The following FAM234A variants were observed in gnomAD, a reference collection of about 807,000 sequenced individuals.
FAM234A encodes protein FAM234A.
Under a neutral mutation model 49.1 loss-of-function variants are expected in FAM234A, and 42 were observed. The observed-to-expected ratio is 0.86, with a 90% confidence interval of 0.67 to 1.11. The LOEUF is 1.11. Ranked by LOEUF, FAM234A falls within the 50% of genes least tolerant of loss-of-function variation. The probability of loss-of-function intolerance (pLI) is 0.00; values close to 1 mark genes in which losing one functional copy is unlikely to be tolerated. For missense variants in FAM234A, 815 were observed against 745.2 expected, an observed-to-expected ratio of 1.09 and a Z score of -1.09; for synonymous variants, 369 against 316.2, an observed-to-expected ratio of 1.17 and a Z score of -1.77.
At chr16:254,347 C>T (rs924223378) in intron 2 of FAM234A, 34 bp from the exon 3 acceptor site, 2 of 1,571,436 alleles carry the variant, frequency 1.3e-6, no homozygotes, top group African/African-American at 1.4e-5. Flanking sequence ...CGTGGGACTG[C>T]TGGCCTCGCC....
At chr16:241,784 G>A (rs1391959683) in intron 1 of FAM234A, among the ~76,000 whole-genome samples, 1 of 151,616 alleles carries the variant, frequency 6.6e-6, no homozygotes, top group Non-Finnish European at 1.5e-5. Context: ...GGGCTTGGTG[G>A]CGGGCACCTG....
downstream of FAM234A, chr16:269,604 A>G: frequency 6.3e-7 from 1 of 1,595,826 alleles, no homozygotes; most frequent in Non-Finnish European, 8.6e-7. Context: ...GACAGCGTCC[A>G]GCCCCTGACC....
chr16:246,212 C>T lies in FAM234A; in HGVS notation c.-139-3337C>T, dbSNP rs988226004. 6.7e-5 allele frequency among the ~76,000 whole-genome samples: 10 copies of T among 149,372 alleles called. No individual in the cohort carries two copies. The South Asian group carries it at 1.9e-3, about 29-fold the overall frequency. ...CCTAGGTGACAGAGCAAGATTCTGTCTCAAAAAAATAATAATAATAATAAT... is the reference window on the plus strand; with the variant it reads ...CCTAGGTGACAGAGCAAGATTCTGTTTCAAAAAAATAATAATAATAATAAT... On this transcript the variant is annotated intron_variant, in intron 1 of 12. Coordinates refer to ENST00000399932, the MANE Select transcript of FAM234A (RefSeq NM_032039.4).
chr16:268,821 TCGCGCCGAGACCTGCATGTC>T, downstream of FAM234A: 1 of 1,550,270 alleles, frequency 6.5e-7, no homozygotes, highest in Non-Finnish European at 8.7e-7. Context: ...GGGGCAGAGC[TCGCGCCGAGACCTGCATGTC>T]CGCGTCTTGT....
Position 260,122 on chromosome 16 carries a change from G to A in FAM234A, c.539G>A (p.Gly180Asp), listed in dbSNP as rs774213525. The A allele has an allele frequency of 6.2e-7, 1 of 1,613,884 alleles. No individual in the cohort carries two copies. The highest frequency in any genetic ancestry group is 1.1e-5 in the South Asian group (1 of 91,084). ...GCACCTTCTGCCTGCATCCTGGTGG[G>A]CAGACCCAGTTCTTTCATTGCAGTC... Reference protein sequence around the residue: ...SEAPSACILVGRPSSFIAVNL... With the variant: ...SEAPSACILVDRPSSFIAVNL... The change falls in exon 5 of 13, where the codon GGC becomes GAC. Residue 180 changes from glycine to aspartate, a missense_variant. Gly to Asp is a moderately conservative substitution (Grantham distance 94). Coordinates refer to ENST00000399932, the MANE Select transcript of FAM234A (RefSeq NM_032039.4).
chr16:253,317 TG>T (rs2051095192), intron 2 of FAM234A, among the ~76,000 whole-genome samples: 1 of 152,154 alleles, frequency 6.6e-6, no homozygotes, highest in Admixed American at 6.6e-5. Flanking sequence ...TCAACACAGC[TG>T]TCCCCTGTCC....
At chr16:263,544 G>A (rs1035861980) in intron 9 of FAM234A, 142 bp downstream of exon 9, 156 of 1,337,264 alleles carry the variant, frequency 1.2e-4, no homozygotes, top group Non-Finnish European at 1.6e-4. Flanking sequence ...CCTGTCTCTG[G>A]TACTTGCCCC....
At chr16:249,984 C>T (rs986904025) in intron 2 of FAM234A, among the ~76,000 whole-genome samples, 2 of 152,102 alleles carry the variant, frequency 1.3e-5, no homozygotes, top group Admixed American at 6.5e-5. Flanking sequence ...CTCGCTCTGT[C>T]GCCCAGGCTG....
At position 262,648 on chromosome 16, in the gene FAM234A, A is replaced by G. The variant is rs1398797076; in HGVS notation, c.971+95A>G. ...TTCGGACAATCTGTGTGGAGCCCAG[A>G]GCAGCCCCACCGGCAGGGAGGTGCT... On this transcript the variant is annotated intron_variant, in intron 8 of 12. Transcript: ENST00000399932. 7 of 1,317,550 alleles carry G rather than the reference A, an allele frequency of 5.3e-6. No individual in the cohort carries two copies. In the South Asian group the frequency reaches 1.2e-4, roughly 23 times the overall value. 81.6% of individuals were successfully genotyped at this position (1,317,550 alleles called of 1,614,324 possible). A position where few individuals can be genotyped will look rare whatever the true frequency, so the allele number is the denominator to read the frequency against.
chr16:241,990 A>G (rs1377468460), intron 1 of FAM234A, among the ~76,000 whole-genome samples: 9 of 152,136 alleles, frequency 5.9e-5, no homozygotes, highest in African/African-American at 2.2e-4. Context: ...TCTTAGAGAA[A>G]GAACTCTTGG....
chr16:254,854 G>C (rs867429524), intron 3 of FAM234A, among the ~76,000 whole-genome samples, 173 bp downstream of exon 3: 2 of 152,174 alleles, frequency 1.3e-5, no homozygotes, highest in Non-Finnish European at 2.9e-5. Flanking sequence ...GGGAGCGATA[G>C]ACCAGCCTTT....
chr16:239,341 C>T lies in FAM234A; in HGVS notation c.-140+4484C>T, dbSNP rs891209075. ...AAATAAATAAAAATTGTGCCGGATG[C>T]GGTGGCTCACGCCTGTAATCCCAGC... is the stretch of plus-strand genomic sequence containing the variant. On this transcript the variant is annotated intron_variant, in intron 1 of 12. Coordinates refer to ENST00000399932, the MANE Select transcript of FAM234A (RefSeq NM_032039.4). Among the ~76,000 whole-genome samples, 62 of 144,298 alleles carry T rather than the reference C, an allele frequency of 4.3e-4. 1 individual carries two copies. Among genetic ancestry groups the T allele is most frequent in the African/African-American group, 1.5e-3 (57 of 39,098 alleles). 94.7% of individuals were successfully genotyped at this position (144,298 alleles called of 152,430 possible). A position where few individuals can be genotyped will look rare whatever the true frequency, so the allele number is the denominator to read the frequency against.
rs1320840039 is a variant in FAM234A at position 264,127 on chromosome 16, T to C, written c.1300T>C (p.Phe434Leu). 2 of 1,609,856 alleles carry C rather than the reference T, an allele frequency of 1.2e-6. No individual in the cohort carries two copies. Among genetic ancestry groups the C allele is most frequent in the Non-Finnish European group, 8.5e-7 (1 of 1,179,684 alleles). ...GCCGACCGCAGACCACCGCTCAGCCTTCTTCTTCTGGGGCCTCCACGAGCT... is the reference window on the plus strand; with the variant it reads ...GCCGACCGCAGACCACCGCTCAGCCCTCTTCTTCTGGGGCCTCCACGAGCT... ...SLPTADHRSAFFFWGLHELGS... is the reference protein window; with the variant it reads ...SLPTADHRSALFFWGLHELGS... The change falls in exon 11 of 13, where the codon TTC becomes CTC. Residue 434 changes from phenylalanine to leucine, a missense_variant. By Grantham distance (22) the Phe-to-Leu change is conservative (BLOSUM62 0). Coordinates refer to ENST00000399932, the MANE Select transcript of FAM234A (RefSeq NM_032039.4).
chr16:241,996 C>G (rs1294686629), intron 1 of FAM234A, among the ~76,000 whole-genome samples: 1 of 151,832 alleles, frequency 6.6e-6, no homozygotes, highest in African/African-American at 2.4e-5. Context: ...AGAAAGAACT[C>G]TTGGAGAAAA....
chr16:250,532 C>T (rs1201102974), intron 2 of FAM234A, among the ~76,000 whole-genome samples: 1 of 152,148 alleles, frequency 6.6e-6, no homozygotes, highest in Non-Finnish European at 1.5e-5. Flanking sequence ...CCTTTTCTGA[C>T]TTCCAAGATG....
chr16:259,608 A>C lies in FAM234A; in HGVS notation c.385+9A>C. ...ATCCTGTGTGGACGAAGGTAATTTC[A>C]TTTTATATGAAAAAGGCGGAGCTCC... On this transcript the variant is annotated intron_variant, in intron 4 of 12. Coordinates refer to ENST00000399932, the MANE Select transcript of FAM234A (RefSeq NM_032039.4). 6.5e-7 allele frequency: 1 copy of C among 1,530,100 alleles called. No homozygotes were observed. Among genetic ancestry groups the C allele is most frequent in the Non-Finnish European group, 9.0e-7 (1 of 1,105,156 alleles). The allele number at this position is 1,530,100 out of a possible 1,614,324, so 94.8% of individuals were successfully genotyped here.
Position 260,028 on chromosome 16 carries a change from T to C in FAM234A, c.445T>C (p.Trp149Arg). 1 of 1,613,702 alleles carries C rather than the reference T, an allele frequency of 6.2e-7. No homozygotes were observed. Among genetic ancestry groups the C allele is most frequent in the Non-Finnish European group, 8.5e-7 (1 of 1,180,040 alleles). The change falls in exon 5 of 13, where the codon TGG (tryptophan) becomes CGG (arginine). Residue 149 changes from tryptophan to arginine, a missense_variant. Physicochemically the swap from Trp to Arg is moderately radical, Grantham distance 101 (BLOSUM62 -3). Transcript: ENST00000399932. ...GTCGGGGGCCAACGGCAGCACGCTC[T>C]GGGAGAGACCTGTGGCCCAAGACGT... ...AVSGANGSTL[W>R]ERPVAQDVAL...
downstream of FAM234A, among the ~76,000 whole-genome samples, chr16:267,201 C>T (rs185861288): frequency 6.6e-6 from 1 of 152,204 alleles, no homozygotes; most frequent in East Asian, 1.9e-4. Context: ...GGACAACTGC[C>T]CCTCCCCAGA....
At chr16:261,067 C>T (rs2051445752) in intron 5 of FAM234A, 1 of 287,228 alleles carries the variant, frequency 3.5e-6, no homozygotes, top group Non-Finnish European at 6.9e-6. Context: ...CCTAGAGGTT[C>T]CAGGACACGC....
Sources: allele counts gnomAD v4.1 joint callset (sites outside exome capture counted in the v4.1 genomes callset), GRCh38; gene constraint gnomAD v4.1.1; transcripts MANE v1.5; gene names NCBI Gene and HGNC (gene_info 2026-07-23, HGNC 2026-07-21).